Variants in ZNF567 observed in about 807,000 individuals in gnomAD.
ZNF567 encodes zinc finger protein 567.
ZNF567 carries 36 observed loss-of-function variants against 53.9 expected under a neutral mutation model. That is an observed-to-expected ratio of 0.67 (90% CI 0.51 to 0.88). The LOEUF is 0.88. Ranked by LOEUF, ZNF567 falls within the 40% of genes least tolerant of loss-of-function variation. ZNF567 has a pLI of 0.00. For synonymous variants in ZNF567, 224 were observed against 260.4 expected (o/e 0.86, Z 1.35); for missense variants, 619 against 764.7 (o/e 0.81, Z 2.25).
At chr19:36,722,734 C>T (rs2040315104), downstream of ZNF567, among the ~76,000 whole-genome samples, 1 of 152,154 alleles carries the variant, frequency 6.6e-6, no homozygotes, top group South Asian at 2.1e-4. Context: ...CAGCCATTGC[C>T]AATCAGTAGT....
chr19:36,696,808 T>C (rs1406923172), intron 3 of ZNF567, among the ~76,000 whole-genome samples: 2 of 152,240 alleles, frequency 1.3e-5, no homozygotes, highest in South Asian at 2.1e-4. Context: ...CTTTTTATTA[T>C]GGTAAAATAT....
intron 5 of ZNF567, among the ~76,000 whole-genome samples, chr19:36,713,799 G>A (rs1232798332): frequency 1.3e-5 from 2 of 152,240 alleles, no homozygotes; most frequent in Admixed American, 6.5e-5. Flanking sequence ...GCTGGGTGTG[G>A]TGGCACATGC....
At chr19:36,677,255 C>T in the ZNF567 span, among the ~76,000 whole-genome samples, 11 of 146,064 alleles carry the variant, frequency 7.5e-5, no homozygotes, top group East Asian at 1.7e-3. Context: ...GTCAGGAGTT[C>T]GAGACTAGCC....
chr19:36,722,476 A>G (rs1031795419), downstream of ZNF567, among the ~76,000 whole-genome samples: 4 of 151,866 alleles, frequency 2.6e-5, no homozygotes, highest in Non-Finnish European at 5.9e-5. Context: ...TAATTTTTGT[A>G]TTTTTAGTAG....
At chr19:36,718,040 T>A (rs756178581) in intron 5 of ZNF567, among the ~76,000 whole-genome samples, 2 of 152,188 alleles carry the variant, frequency 1.3e-5, no homozygotes, top group Non-Finnish European at 2.9e-5. Context: ...TTTCCATTCA[T>A]AAGAGAAAAT....
At chr19:36,681,410 G>A in the ZNF567 span, among the ~76,000 whole-genome samples, 5 of 151,454 alleles carry the variant, frequency 3.3e-5, no homozygotes, top group African/African-American at 1.2e-4. Context: ...CAGGTTTTTG[G>A]GTCTTTCCCT....
At chr19:36,710,035 C>A (rs531303143) in intron 3 of ZNF567, among the ~76,000 whole-genome samples, 1 of 152,216 alleles carries the variant, frequency 6.6e-6, no homozygotes, top group South Asian at 2.1e-4. Flanking sequence ...TATGCCCTTT[C>A]TTTTTCTCTC....
upstream of ZNF567, chr19:36,687,534 C>G (rs2038307797): frequency 6.6e-6 from 1 of 152,292 alleles, no homozygotes; most frequent in Admixed American, 6.5e-5. Flanking sequence ...GTGGAGAAGG[C>G]GCGCGTAGCC....
intron 3 of ZNF567, among the ~76,000 whole-genome samples, chr19:36,701,596 C>A (rs1241563453): frequency 1.3e-5 from 2 of 151,908 alleles, no homozygotes; most frequent in African/African-American, 2.4e-5. Context: ...TTGCTTTATG[C>A]ATCTGGGTGC....
intron 5 of ZNF567, among the ~76,000 whole-genome samples, chr19:36,718,392 A>G (rs190559144): frequency 0.016 from 2,415 of 152,214 alleles, 27 homozygotes; most frequent in Non-Finnish European, 0.025. Flanking sequence ...CCAGCTATTC[A>G]GGAGGCTGAG....
the ZNF567 span, among the ~76,000 whole-genome samples, chr19:36,679,751 C>G: frequency 6.6e-6 from 1 of 151,666 alleles, no homozygotes; most frequent in Non-Finnish European, 1.5e-5. Flanking sequence ...TGTATGATCT[C>G]ACTTACATGT....
At position 36,720,473 on chromosome 19, in the gene ZNF567, T is replaced by C. The variant is rs1216946998; in HGVS notation, c.1749T>C (p.His583=). Residue 583 remains histidine, a synonymous_variant, in exon 6 of 6, where the codon CAT becomes CAC. Transcript: ENST00000682579. ...KSYLIHHQRT[H]TGEKPYKCSE... is the part of the protein sequence containing the mutation. ...ATCTCATTCATCATCAAAGAACTCA[T>C]ACGGGAGAGAAACCATATAAATGTA... 6.2e-7 allele frequency: 1 copy of C among 1,613,458 alleles called. No homozygotes were observed. Among genetic ancestry groups the C allele is most frequent in the Non-Finnish European group, 8.5e-7 (1 of 1,179,828 alleles).
At chr19:36,694,898 CCTTTCTGAAAGT>C in intron 3 of ZNF567, 22 bp downstream of exon 3, 2 of 1,507,082 alleles carry the variant, frequency 1.3e-6, no homozygotes. Flanking sequence ...GTTTCTCTCT[CCTTTCTGAAAGT>C]CTTTTTTTTT....
chr19:36,715,978 T>A (rs1262446641), intron 5 of ZNF567, among the ~76,000 whole-genome samples: 1 of 152,238 alleles, frequency 6.6e-6, no homozygotes, highest in African/African-American at 2.4e-5. Flanking sequence ...CTCACTGATG[T>A]CATACAAAAT....
chr19:36,706,669 G>GTTTTTT (rs374899379), intron 3 of ZNF567, among the ~76,000 whole-genome samples: 1 of 108,968 alleles, frequency 9.2e-6, no homozygotes, highest in Admixed American at 9.8e-5. Context: ...TTTACTGTTG[G>GTTTTTT]TTTTTTTTTT....
At chr19:36,695,086 A>T (rs3108562) in intron 3 of ZNF567, among the ~76,000 whole-genome samples, 101,972 of 151,660 alleles carry the variant, frequency 0.67, 34,612 homozygotes, top group East Asian at 0.82. Flanking sequence ...TAAGTGGATA[A>T]ATCAGGCCAG....
chr19:36,714,498 T>C (rs527858965), intron 5 of ZNF567: 26 of 398,450 alleles, frequency 6.5e-5, no homozygotes, highest in African/African-American at 5.1e-4. Flanking sequence ...TTCTTCATCC[T>C]GTCTTTAAAA....
At chr19:36,712,550 C>T (rs1332612269) in intron 4 of ZNF567, 38 bp downstream of exon 4, 2 of 1,613,138 alleles carry the variant, frequency 1.2e-6, no homozygotes, top group East Asian at 2.2e-5. Flanking sequence ...GTAGCATGCA[C>T]TTCCTCTCAA....
At chr19:36,706,637 G>T (rs1363823663) in intron 3 of ZNF567, among the ~76,000 whole-genome samples, 1 of 147,226 alleles carries the variant, frequency 6.8e-6, no homozygotes, top group Non-Finnish European at 1.5e-5. Flanking sequence ...TATAGTATAT[G>T]ATATACCTGA....
Sources: gnomAD v4.1 joint callset for allele counts (sites outside exome capture counted in the v4.1 genomes callset) on GRCh38, gnomAD v4.1.1 for gene constraint, MANE v1.5 for transcripts, NCBI Gene and HGNC (gene_info 2026-07-23, HGNC 2026-07-21) for gene names.